CTNNA3: variants seen among roughly 807,000 people sequenced by gnomAD.
The protein encoded by CTNNA3 is catenin alpha 3.
In CTNNA3, 76 loss-of-function variants were observed where a neutral mutation model predicts 95.7. That is an observed-to-expected ratio of 0.79 (90% CI 0.66 to 0.96). The LOEUF is 0.96. Ranked by LOEUF, CTNNA3 falls within the 40% of genes least tolerant of loss-of-function variation. CTNNA3 has a pLI of 0.00. For missense variants in CTNNA3, 1,191 were observed against 1,089.8 expected, an observed-to-expected ratio of 1.09 and a Z score of -1.31; for synonymous variants, 431 against 374.4, an observed-to-expected ratio of 1.15 and a Z score of -1.74.
rs142688876 is a variant in CTNNA3, at chr10:67,511,824, C to T, written c.579+10018G>A. Among the ~76,000 whole-genome samples the T allele has an allele frequency of 2.8e-3, 427 of 152,214 alleles. 3 individuals carry two copies. Among genetic ancestry groups the T allele is most frequent in the African/African-American group, 9.9e-3 (410 of 41,540 alleles). ...AATTCGGCTGTGAATGTGTCTGATC[C>T]TGGACTTTTTTTGGTTGGTAGGCTA... On this transcript the variant is annotated intron_variant, in intron 5 of 17. Coordinates refer to ENST00000433211, the MANE Select transcript of CTNNA3 (RefSeq NM_013266.4).
At chr10:67,209,531 G>A (rs977263827) in intron 6 of CTNNA3, among the ~76,000 whole-genome samples, 3 of 152,092 alleles carry the variant, frequency 2.0e-5, no homozygotes, top group African/African-American at 7.2e-5. Flanking sequence ...CTCCCAAAGA[G>A]AGAATACACA....
intron 5 of CTNNA3, among the ~76,000 whole-genome samples, chr10:67,372,926 T>C (rs982956420): frequency 6.6e-6 from 1 of 152,146 alleles, no homozygotes; most frequent in African/African-American, 2.4e-5. Context: ...AAGCAAATGC[T>C]GAGAGATTTT....
intron 5 of CTNNA3, among the ~76,000 whole-genome samples, chr10:67,435,950 C>A (rs1344000748): frequency 1.3e-5 from 2 of 152,036 alleles, no homozygotes; most frequent in Non-Finnish European, 2.9e-5. Context: ...CACCATCATT[C>A]TTCACAGAGT....
chr10:67,162,306 G>C (rs925380171), intron 7 of CTNNA3, among the ~76,000 whole-genome samples: 1 of 151,894 alleles, frequency 6.6e-6, no homozygotes, highest in African/African-American at 2.4e-5. Context: ...ATATCCTACA[G>C]GCAGCAAAGG....
intron 7 of CTNNA3, among the ~76,000 whole-genome samples, chr10:66,788,494 TAAA>T (rs1203830215): frequency 1.3e-5 from 2 of 152,302 alleles, no homozygotes; most frequent in East Asian, 3.9e-4. Context: ...AATGGGTGTC[TAAA>T]TTGAAAATGA....
chr10:66,364,937 G>A (rs191515893), intron 12 of CTNNA3, among the ~76,000 whole-genome samples: 1 of 152,276 alleles, frequency 6.6e-6, no homozygotes, highest in Admixed American at 6.5e-5. Flanking sequence ...CTCTTCCACA[G>A]TATTCCGTAC....
At chr10:66,206,648 ATATAT>A (rs1260298968) in intron 13 of CTNNA3, among the ~76,000 whole-genome samples, 1 of 151,956 alleles carries the variant, frequency 6.6e-6, no homozygotes, top group African/African-American at 2.4e-5. Context: ...TATATAACCC[ATATAT>A]TAATTAATTT....
chr10:66,780,730 G>T (rs1035829029), intron 7 of CTNNA3, among the ~76,000 whole-genome samples: 1 of 152,152 alleles, frequency 6.6e-6, no homozygotes, highest in Non-Finnish European at 1.5e-5. Context: ...AAAGGATCTA[G>T]CACAGTGCTT....
intron 5 of CTNNA3, among the ~76,000 whole-genome samples, chr10:67,403,191 A>G (rs1844990829): frequency 6.6e-6 from 1 of 152,220 alleles, no homozygotes; most frequent in South Asian, 2.1e-4. Context: ...AAATGTGGCC[A>G]GACTACTTCT....
chr10:67,450,200 A>G (rs1846918417), intron 5 of CTNNA3, among the ~76,000 whole-genome samples: 1 of 152,172 alleles, frequency 6.6e-6, no homozygotes, highest in African/African-American at 2.4e-5. Flanking sequence ...TGTTGATGGG[A>G]GTGTAAGTTA....
intron 3 of CTNNA3, among the ~76,000 whole-genome samples, chr10:67,564,071 C>T (rs10997719): frequency 2.0e-5 from 3 of 148,814 alleles, no homozygotes; most frequent in Non-Finnish European, 4.5e-5. Flanking sequence ...CAACCATTGT[C>T]GAAGACAGTG....
At chr10:66,308,287 A>G (rs989436831) in intron 12 of CTNNA3, among the ~76,000 whole-genome samples, 5 of 152,280 alleles carry the variant, frequency 3.3e-5, no homozygotes, top group Middle Eastern at 3.4e-3. Flanking sequence ...CATATTTCAC[A>G]TTAGGTTTAA....
chr10:67,312,036 G>A (rs1840829097), intron 5 of CTNNA3, among the ~76,000 whole-genome samples: 2 of 150,844 alleles, frequency 1.3e-5, no homozygotes, highest in Non-Finnish European at 3.0e-5. Context: ...AAAGTGTTAA[G>A]TCTGCAAGGC....
At chr10:66,846,150 G>C (rs1377318242) in intron 7 of CTNNA3, among the ~76,000 whole-genome samples, 1 of 151,204 alleles carries the variant, frequency 6.6e-6, no homozygotes, top group African/African-American at 2.4e-5. Flanking sequence ...GGGAAATCCT[G>C]CCTTTTGCAA....
At chr10:65,946,105 T>G (rs980879791) in intron 17 of CTNNA3, among the ~76,000 whole-genome samples, 2 of 152,186 alleles carry the variant, frequency 1.3e-5, no homozygotes, top group African/African-American at 4.8e-5. Context: ...GGATAGTTGT[T>G]AGACCTCTTT....
intron 7 of CTNNA3, among the ~76,000 whole-genome samples, chr10:66,956,998 T>C (rs1401252330): frequency 6.6e-6 from 1 of 152,182 alleles, no homozygotes. Context: ...AACCATGGAA[T>C]GTAGAAGATA....
At chr10:66,775,414 T>C (rs1250172126) in intron 8 of CTNNA3, 30 bp downstream of exon 8, 2 of 1,477,052 alleles carry the variant, frequency 1.4e-6, no homozygotes, top group East Asian at 4.6e-5. Flanking sequence ...GCCCCTATGT[T>C]TCTGACTCCA....
At chr10:66,611,311 A>C (rs1844320988) in intron 10 of CTNNA3, among the ~76,000 whole-genome samples, 1 of 152,112 alleles carries the variant, frequency 6.6e-6, no homozygotes, top group South Asian at 2.1e-4. Context: ...AAAAAGGATA[A>C]ATATTTGAGG....
At chr10:67,137,688 A>T (rs1165647312) in intron 7 of CTNNA3, among the ~76,000 whole-genome samples, 1 of 152,190 alleles carries the variant, frequency 6.6e-6, no homozygotes, top group African/African-American at 2.4e-5. Context: ...GCATGAACTA[A>T]CAGCGGTCCT....
Sources: gnomAD v4.1 joint callset for allele counts (sites outside exome capture counted in the v4.1 genomes callset) on GRCh38, gnomAD v4.1.1 for gene constraint, MANE v1.5 for transcripts, NCBI Gene and HGNC (gene_info 2026-07-23, HGNC 2026-07-21) for gene names.